PNPLA8: variants seen among roughly 807,000 people sequenced by gnomAD.
PNPLA8 encodes patatin like domain 8, phospholipase A2, also known as calcium-independent phospholipase A2-gamma.
PNPLA8 carries 39 observed loss-of-function variants against 76.9 expected under a neutral mutation model. The ratio of observed to expected loss-of-function variants is 0.51; its 90% CI spans 0.39 to 0.66. The LOEUF is 0.66. Among genes scored for constraint, PNPLA8 ranks in the 30% least tolerant of loss-of-function variants. PNPLA8 has a pLI of 0.00. For missense variants in PNPLA8, 887 were observed against 918.0 expected, an observed-to-expected ratio of 0.97 and a Z score of 0.44; for synonymous variants, 301 against 307.9, an observed-to-expected ratio of 0.98 and a Z score of 0.24.
chr7:108,513,175 G>A (rs1393145083), intron 4 of PNPLA8, among the ~76,000 whole-genome samples: 2 of 152,144 alleles, frequency 1.3e-5, no homozygotes, highest in East Asian at 3.9e-4. Flanking sequence ...AAGCCAGTAT[G>A]TAATTCTATT....
intron 8 of PNPLA8, 110 bp from the exon 9 acceptor site, chr7:108,488,063 T>C: frequency 2.0e-6 from 1 of 509,728 alleles, no homozygotes; most frequent in Non-Finnish European, 3.5e-6. Context: ...ACTATATGTG[T>C]AACAAATATA....
At chr7:108,505,017 G>C (rs1426392741) in intron 4 of PNPLA8, among the ~76,000 whole-genome samples, 2 of 151,756 alleles carry the variant, frequency 1.3e-5, no homozygotes, top group African/African-American at 4.8e-5. Context: ...CAGAGGTTGT[G>C]GTGAGCCAAG....
chr7:108,496,913 CA>C lies in PNPLA8; in HGVS notation c.1454-159del, dbSNP rs1861589700. On this transcript the variant is annotated intron_variant, in intron 6 of 10. Coordinates refer to ENST00000257694, the MANE Select transcript of PNPLA8 (RefSeq NM_001256007.3). Reference sequence around the variant, plus strand: ...TTCCTTCTCAGAGCCCCATTTGTTTCAGGGGTAAAATGGGAGTAATAAGAAC... The same window carrying C: ...TTCCTTCTCAGAGCCCCATTTGTTTCGGGGTAAAATGGGAGTAATAAGAAC... 2.0e-5 allele frequency among the ~76,000 whole-genome samples: 3 copies of C among 152,168 alleles called. No homozygotes were observed. The South Asian group carries it at 6.2e-4, about 32-fold the overall frequency.
chr7:108,527,378 A>C (rs1171280372), upstream of PNPLA8, among the ~76,000 whole-genome samples: 1 of 152,228 alleles, frequency 6.6e-6, no homozygotes, highest in East Asian at 1.9e-4. Context: ...GCAGTGGATA[A>C]GCCAGACATG....
intron 7 of PNPLA8, among the ~76,000 whole-genome samples, chr7:108,494,405 T>A (rs1449083072): frequency 6.6e-6 from 1 of 152,160 alleles, no homozygotes; most frequent in Non-Finnish European, 1.5e-5. Flanking sequence ...ATTGTTCCCA[T>A]CCTTATGTTC....
chr7:108,507,341 C>CAA (rs66685490), intron 4 of PNPLA8, among the ~76,000 whole-genome samples: 968 of 45,182 alleles, frequency 0.021, 84 homozygotes, highest in African/African-American at 0.068. Flanking sequence ...GACTCTGTCT[C>CAA]AAAAAAAAAA....
chr7:108,494,887 C>G (rs1563952945), intron 7 of PNPLA8, among the ~76,000 whole-genome samples: 1 of 151,968 alleles, frequency 6.6e-6, no homozygotes, highest in Non-Finnish European at 1.5e-5. Context: ...AGGAATATCC[C>G]ATAAGAAAAT....
intron 5 of PNPLA8, among the ~76,000 whole-genome samples, chr7:108,501,384 C>T (rs372017253): frequency 2.0e-5 from 3 of 152,136 alleles, no homozygotes; most frequent in Non-Finnish European, 4.4e-5. Flanking sequence ...TCCTTCTGAA[C>T]AAAGAAAGAA....
chr7:108,512,538 G>C (rs188342729), intron 4 of PNPLA8, among the ~76,000 whole-genome samples: 1 of 152,136 alleles, frequency 6.6e-6, no homozygotes, highest in African/African-American at 2.4e-5. Context: ...ATAATTCCCT[G>C]TATTTAGCTA....
At chr7:108,505,323 TATATATATATATATATATATATATATATA>T (rs1563967428) in intron 4 of PNPLA8, among the ~76,000 whole-genome samples, 49 of 4,296 alleles carry the variant, frequency 0.011, no homozygotes, top group South Asian at 0.018. Context: ...TATATATATA[TATATATATATATATATATATATATATATA>T]TTTTTTTTTT....
rs1407287019 is a variant in PNPLA8 at position 108,514,775 on chromosome 7, T to G, written c.717A>C (p.Lys239Asn). 6.2e-7 allele frequency: 1 copy of G among 1,613,460 alleles called. No homozygotes were observed. The highest frequency in any genetic ancestry group is 1.1e-5 in the South Asian group (1 of 91,050). The change falls in exon 3 of 11, where the codon AAA becomes AAC. Residue 239 changes from lysine (K) to asparagine (N), a missense_variant. By Grantham distance (94) the Lys-to-Asn change is moderately conservative. Transcript: ENST00000257694. ...ATCTTAATTTCCCCTCTTCTACCTT[T>G]TTATCTTCAAGTTCTGATTTGTCCC... ...HFRDKSELED[K>N]KVEEGKLRSP...
chr7:108,497,260 A>T (rs916751761), intron 6 of PNPLA8, among the ~76,000 whole-genome samples: 3 of 152,178 alleles, frequency 2.0e-5, no homozygotes, highest in African/African-American at 7.2e-5. Flanking sequence ...ATGTCCTTTT[A>T]AACAGCTGAT....
intron 4 of PNPLA8, among the ~76,000 whole-genome samples, chr7:108,507,868 A>T (rs1282809575): frequency 6.7e-6 from 1 of 149,938 alleles, no homozygotes; most frequent in Non-Finnish European, 1.5e-5. Context: ...GGCTGGTTCA[A>T]TATACGCAAA....
At chr7:108,523,413 G>A (rs540807253) in intron 1 of PNPLA8, among the ~76,000 whole-genome samples, 4 of 149,850 alleles carry the variant, frequency 2.7e-5, no homozygotes, top group Admixed American at 6.6e-5. Context: ...AGCTAAAGCC[G>A]GCATCTGGTA....
chr7:108,510,623 A>T, intron 4 of PNPLA8: 1 of 1,562,884 alleles, frequency 6.4e-7, no homozygotes, highest in East Asian at 2.2e-5. Context: ...TTCGACTAAC[A>T]TGCTGAGGAT....
At position 108,514,274 on chromosome 7, in the gene PNPLA8, A is replaced by G. The variant is rs1477609715; in HGVS notation, c.1076T>C (p.Ile359Thr). 4 of 1,611,748 alleles carry G rather than the reference A, an allele frequency of 2.5e-6. No individual in the cohort carries two copies. Among genetic ancestry groups the G allele is most frequent in the Non-Finnish European group, 3.4e-6 (4 of 1,178,296 alleles). ...QREKIIARVS[I>T]DNRTRALVQA... ...AACTAATGCCCGGGTCCTGTTATCA[A>G]TACTCACCCTTGCGATAATCTACAA... The change falls in exon 4 of 11, where the codon ATT becomes ACT. Residue 359 changes from isoleucine to threonine, a missense_variant. Physicochemically the swap from Ile to Thr is moderately conservative, Grantham distance 89. Transcript: ENST00000257694.
At chr7:108,485,463 C>A (rs900031372) in intron 9 of PNPLA8, among the ~76,000 whole-genome samples, 6 of 152,030 alleles carry the variant, frequency 3.9e-5, no homozygotes, top group Admixed American at 1.3e-4. Context: ...TATTAATTAA[C>A]CTCTACTACA....
Position 108,479,218 on chromosome 7 carries a change from AAGTTT to A in PNPLA8, c.2035_2039del (p.Lys679PhefsTer2). Reference sequence around the variant, plus strand: ...CTGTAGCACTGTTGATAACATTAGAAAGTTTAGTTTTCAAGCTTGTGTATGTTACC... The same window carrying A: ...CTGTAGCACTGTTGATAACATTAGAAAGTTTTCAAGCTTGTGTATGTTACC... On this transcript the variant is annotated frameshift_variant, in exon 10 of 11. Transcript: ENST00000257694. LOFTEE classifies it high-confidence loss of function. 6.2e-7 allele frequency: 1 copy of A among 1,613,274 alleles called. No individual in the cohort carries two copies. Among genetic ancestry groups the A allele is most frequent in the Non-Finnish European group, 8.5e-7 (1 of 1,179,272 alleles).
At chr7:108,480,639 C>G in intron 9 of PNPLA8, 1 of 311,636 alleles carries the variant, frequency 3.2e-6, no homozygotes, top group Non-Finnish European at 6.9e-6. Context: ...GTTCAGTCTC[C>G]CACATATAGC....
Sources: allele counts gnomAD v4.1 joint callset (sites outside exome capture counted in the v4.1 genomes callset), GRCh38; gene constraint gnomAD v4.1.1; transcripts MANE v1.5; gene names NCBI Gene and HGNC (gene_info 2026-07-23, HGNC 2026-07-21).